ANKS1B: variants seen among roughly 807,000 people sequenced by gnomAD.
ANKS1B encodes the protein ankyrin repeat and sterile alpha motif domain-containing protein 1B.
A neutral mutation model predicts 148.3 loss-of-function variants in ANKS1B; 36 were observed. That is an observed-to-expected ratio of 0.24 (90% CI 0.19 to 0.32). ANKS1B has a LOEUF of 0.32. Ranked by LOEUF, ANKS1B falls within the 10% of genes least tolerant of loss-of-function variation. The pLI, the probability that ANKS1B is intolerant of heterozygous loss-of-function variation, is 1.00. For synonymous variants in ANKS1B, 542 were observed against 560.8 expected (o/e 0.97, Z 0.47); for missense variants, 1,157 against 1,542.6 (o/e 0.75, Z 4.19).
At chr12:98,758,569 A>G (rs1160801483) in intron 25 of ANKS1B, among the ~76,000 whole-genome samples, 1 of 152,184 alleles carries the variant, frequency 6.6e-6, no homozygotes, top group East Asian at 1.9e-4. Flanking sequence ...CCATCAACAC[A>G]GGAATTCTTC....
intron 12 of ANKS1B, among the ~76,000 whole-genome samples, chr12:99,374,931 A>G (rs990142940): frequency 2.6e-5 from 4 of 152,194 alleles, no homozygotes; most frequent in African/African-American, 7.2e-5. Flanking sequence ...ACTGCAATTC[A>G]TGTGTTTTTG....
intron 9 of ANKS1B, among the ~76,000 whole-genome samples, chr12:99,617,594 C>T (rs1294455738): frequency 6.6e-6 from 1 of 151,932 alleles, no homozygotes; most frequent in African/African-American, 2.4e-5. Context: ...ACAATGAGAA[C>T]ACATGGACCT....
intron 1 of ANKS1B, among the ~76,000 whole-genome samples, chr12:99,944,048 C>T (rs1479110637): frequency 6.6e-6 from 1 of 151,780 alleles, no homozygotes; most frequent in Admixed American, 6.6e-5. Context: ...TCCTATAAAT[C>T]CTTTCCCCAC....
intron 8 of ANKS1B, among the ~76,000 whole-genome samples, chr12:99,711,535 G>A (rs2056632786): frequency 1.3e-5 from 2 of 151,942 alleles, no homozygotes; most frequent in Non-Finnish European, 2.9e-5. Context: ...TTAAAAGTGG[G>A]CAAAGAACGT....
intron 14 of ANKS1B, among the ~76,000 whole-genome samples, chr12:99,162,166 G>A (rs543647497): frequency 6.6e-6 from 1 of 152,198 alleles, no homozygotes; most frequent in African/African-American, 2.4e-5. Flanking sequence ...GTTTCCTAGG[G>A]CTGGAGAAGT....
intron 17 of ANKS1B, among the ~76,000 whole-genome samples, chr12:98,846,025 CAT>C (rs61065461): frequency 5.3e-5 from 8 of 149,866 alleles, no homozygotes; most frequent in Non-Finnish European, 5.9e-5. Context: ...CACATACACA[CAT>C]ATATATATAT....
chr12:99,221,086 T>C lies in ANKS1B; in HGVS notation c.2419+23256A>G, dbSNP rs539049836. Reference sequence around the variant, plus strand: ...CGGGTGCGGTGGCTCACGCCTTTAATCCCAGCACCTTGGGAGGCTGAGGTG... The same window carrying C: ...CGGGTGCGGTGGCTCACGCCTTTAACCCCAGCACCTTGGGAGGCTGAGGTG... On this transcript the variant is annotated intron_variant, in intron 14 of 26. Coordinates refer to ENST00000683438, the MANE Select transcript of ANKS1B (RefSeq NM_001352186.2). Among the ~76,000 whole-genome samples, 116 of 152,224 alleles carry C rather than the reference T, an allele frequency of 7.6e-4. 2 individuals carry two copies. The South Asian group carries it at 0.023, about 31-fold the overall frequency.
At position 99,984,806 on chromosome 12, in the gene ANKS1B, G is replaced by A. The variant is rs1249337151; in HGVS notation, c.-569C>T. On this transcript the variant is annotated 5_prime_UTR_variant, in exon 1 of 27. Transcript: ENST00000683438. Reference sequence around the variant, plus strand: ...GCTCGTGCGCTGTGGCCCGCGCCGAGGCAGGGCGGTGGGGGGCAGCCGCAG... The same window carrying A: ...GCTCGTGCGCTGTGGCCCGCGCCGAAGCAGGGCGGTGGGGGGCAGCCGCAG... 6.8e-6 allele frequency among the ~76,000 whole-genome samples: 1 copy of A among 146,348 alleles called. No homozygotes were observed. Among genetic ancestry groups the A allele is most frequent in the Non-Finnish European group, 1.5e-5 (1 of 65,856 alleles).
intron 17 of ANKS1B, among the ~76,000 whole-genome samples, chr12:98,981,718 T>C (rs899285810): frequency 2.6e-5 from 4 of 152,240 alleles, no homozygotes; most frequent in Non-Finnish European, 5.9e-5. Flanking sequence ...AAATCTGTTT[T>C]AGATACCCTT....
At chr12:99,528,510 T>C (rs2096954103) in intron 9 of ANKS1B, among the ~76,000 whole-genome samples, 1 of 149,044 alleles carries the variant, frequency 6.7e-6, no homozygotes, top group Non-Finnish European at 1.5e-5. Context: ...TTGCAAAGTA[T>C]GCATCTGACA....
At chr12:99,882,831 G>C (rs2092608448) in intron 1 of ANKS1B, among the ~76,000 whole-genome samples, 1 of 152,114 alleles carries the variant, frequency 6.6e-6, no homozygotes, top group Non-Finnish European at 1.5e-5. Flanking sequence ...TAAAAAAGAA[G>C]TCATGGAGGC....
chr12:99,469,997 C>T (rs1382296905), intron 10 of ANKS1B, among the ~76,000 whole-genome samples: 2 of 151,758 alleles, frequency 1.3e-5, no homozygotes, highest in East Asian at 1.9e-4. Context: ...TACAGGCCTA[C>T]AGTCCCAACT....
chr12:99,602,208 G>A (rs2097806144), intron 9 of ANKS1B, among the ~76,000 whole-genome samples: 1 of 151,940 alleles, frequency 6.6e-6, no homozygotes, highest in Non-Finnish European at 1.5e-5. Context: ...TCCCCCATCT[G>A]AAACTTCCCC....
chr12:98,899,097 G>A (rs1318792860), intron 17 of ANKS1B, among the ~76,000 whole-genome samples: 1 of 152,128 alleles, frequency 6.6e-6, no homozygotes, highest in Non-Finnish European at 1.5e-5. Flanking sequence ...TAGAGGAATA[G>A]GATTTTAAGA....
At chr12:99,454,666 T>C (rs926214045) in intron 10 of ANKS1B, among the ~76,000 whole-genome samples, 5 of 152,328 alleles carry the variant, frequency 3.3e-5, no homozygotes, top group African/African-American at 7.2e-5. Flanking sequence ...TATGCTGTAA[T>C]TGGTGAGCAA....
intron 17 of ANKS1B, among the ~76,000 whole-genome samples, chr12:99,045,964 A>G (rs141384999): frequency 6.6e-6 from 1 of 152,188 alleles, no homozygotes; most frequent in Non-Finnish European, 1.5e-5. Context: ...TGATCAGTAC[A>G]TGCATGTGAG....
intron 19 of ANKS1B, among the ~76,000 whole-genome samples, chr12:98,818,812 C>A (rs1411477747): frequency 6.6e-6 from 1 of 152,184 alleles, no homozygotes; most frequent in East Asian, 1.9e-4. Context: ...TGGAGCCCGA[C>A]TGTTTGTTTC....
At chr12:98,762,288 C>T (rs1242558858) in intron 25 of ANKS1B, among the ~76,000 whole-genome samples, 1 of 152,148 alleles carries the variant, frequency 6.6e-6, no homozygotes, top group African/African-American at 2.4e-5. Context: ...ACCTATTGGT[C>T]CCTTTCCACC....
chr12:99,723,923 T>C (rs527318599), intron 8 of ANKS1B, among the ~76,000 whole-genome samples: 1 of 151,076 alleles, frequency 6.6e-6, no homozygotes, highest in African/African-American at 2.4e-5. Context: ...GCCTGACCAT[T>C]GAAAGAAAAA....
Sources: gnomAD v4.1 joint callset for allele counts (sites outside exome capture counted in the v4.1 genomes callset) on GRCh38, gnomAD v4.1.1 for gene constraint, MANE v1.5 for transcripts, NCBI Gene and HGNC (gene_info 2026-07-23, HGNC 2026-07-21) for gene names.